NBEAL1: variants seen among roughly 807,000 people sequenced by gnomAD.
NBEAL1 encodes neurobeachin like 1.
NBEAL1 carries 273 observed loss-of-function variants against 351.3 expected under a neutral mutation model. The observed-to-expected ratio is 0.78, with a 90% CI of 0.70 to 0.86. The LOEUF is 0.86. Among genes scored for constraint, NBEAL1 ranks in the 40% least tolerant of loss-of-function variants. The pLI, the probability that NBEAL1 is intolerant of heterozygous loss-of-function variation, is 0.00. For synonymous variants in NBEAL1, 1,050 were observed against 1,086.4 expected, an observed-to-expected ratio of 0.97 and a Z score of 0.66; for missense variants, 2,961 against 3,201.3, an observed-to-expected ratio of 0.92 and a Z score of 1.81.
At chr2:203,125,810 T>A (rs930095455) in intron 20 of NBEAL1, 150 bp from the exon 21 acceptor site, 4 of 661,082 alleles carry the variant, frequency 6.1e-6, no homozygotes, top group African/African-American at 1.9e-5. Context: ...TAGTTGCTGC[T>A]TTTTCTGATT....
chr2:203,221,856 T>C lies in NBEAL1; in HGVS notation c.*4502T>C, dbSNP rs985789672. Among the ~76,000 whole-genome samples the C allele has an allele frequency of 1.3e-5, 2 of 152,216 alleles. No individual in the cohort carries two copies. Among genetic ancestry groups the C allele is most frequent in the African/African-American group, 4.8e-5 (2 of 41,460 alleles). On this transcript the variant is annotated 3_prime_UTR_variant, in exon 56 of 56. Coordinates refer to ENST00000683969, the MANE Select transcript of NBEAL1 (RefSeq NM_001378026.1). ...AATATAGTGTTATCAGTCATCATTT[T>C]AATATGATTTAAAATGTGGACCACA... is the stretch of plus-strand genomic sequence containing the variant.
Position 203,016,412 on chromosome 2 carries a change from C to A in NBEAL1, c.28C>A (p.Leu10Ile). Residue 10 changes from leucine (L) to isoleucine (I), a missense_variant, in exon 2 of 56, where the codon CTT becomes ATT. Transcript: ENST00000683969. ...GGCATCCAGAGAGAGGCTCTTTGAA[C>A]TTTGGATGCTTTATTGTACAAAGGT... The part of the protein sequence containing the change: MASRERLFE[L>I]WMLYCTKKDP... 6.7e-7 allele frequency: 1 copy of A among 1,494,510 alleles called. No homozygotes were observed. The highest frequency in any genetic ancestry group is 9.0e-7 in the Non-Finnish European group (1 of 1,107,346). The allele number at this position is 1,494,510 out of a possible 1,614,324, so 92.6% of individuals were successfully genotyped here. A position where few individuals can be genotyped will look rare whatever the true frequency, so the allele number is the denominator to read the frequency against.
At chr2:203,165,770 C>T (rs2064112991) in intron 36 of NBEAL1, among the ~76,000 whole-genome samples, 3 of 152,214 alleles carry the variant, frequency 2.0e-5, no homozygotes, top group Non-Finnish European at 4.4e-5. Flanking sequence ...AGGCCAGGCA[C>T]AGTGGCTCAT....
intron 27 of NBEAL1, among the ~76,000 whole-genome samples, chr2:203,135,304 C>T (rs2063174934): frequency 6.6e-6 from 1 of 152,172 alleles, no homozygotes; most frequent in African/African-American, 2.4e-5. Context: ...CTGTGCCTAG[C>T]ACATAGTAGG....
intron 14 of NBEAL1, among the ~76,000 whole-genome samples, chr2:203,108,506 A>T (rs1191960399): frequency 1.3e-5 from 2 of 151,366 alleles, no homozygotes; most frequent in Non-Finnish European, 2.9e-5. Context: ...TCACGCCATT[A>T]TCCTGCCTTA....
In NBEAL1 at chr2:203,104,424, A is replaced by G. The variant is rs187206351; in HGVS notation, c.1270-2996A>G. Reference sequence around the variant, plus strand: ...TTCTCCATTCCTTTACTTTAAGCCTATGGGTGTCACTGCATGTGAGATGAG... The same window carrying G: ...TTCTCCATTCCTTTACTTTAAGCCTGTGGGTGTCACTGCATGTGAGATGAG... On this transcript the variant is annotated intron_variant, in intron 12 of 55. Coordinates refer to ENST00000683969, the MANE Select transcript of NBEAL1 (RefSeq NM_001378026.1). Among the ~76,000 whole-genome samples, 204 of 152,224 alleles carry G rather than the reference A, an allele frequency of 1.3e-3. 1 individual carries two copies. The highest frequency in any genetic ancestry group is 4.8e-3 in the African/African-American group (198 of 41,540).
At chr2:203,050,581 A>C (rs961795402) in intron 4 of NBEAL1, among the ~76,000 whole-genome samples, 4 of 152,250 alleles carry the variant, frequency 2.6e-5, no homozygotes, top group African/African-American at 9.6e-5. Flanking sequence ...CTGTGAAAAT[A>C]AATCATTCAG....
intron 12 of NBEAL1, among the ~76,000 whole-genome samples, chr2:203,105,201 A>G (rs1240376388): frequency 6.6e-6 from 1 of 151,514 alleles, no homozygotes; most frequent in African/African-American, 2.4e-5. Flanking sequence ...AGTCGCTCAC[A>G]CCTGTGATCC....
At chr2:203,034,001 G>T (rs1368233793) in intron 2 of NBEAL1, among the ~76,000 whole-genome samples, 2 of 151,976 alleles carry the variant, frequency 1.3e-5, no homozygotes, top group Non-Finnish European at 2.9e-5. Flanking sequence ...TATTATTTCA[G>T]TATTTTTCAC....
chr2:203,024,165 C>A (rs2060815485), intron 2 of NBEAL1, among the ~76,000 whole-genome samples: 1 of 148,920 alleles, frequency 6.7e-6, no homozygotes. Context: ...CACTCTAGTC[C>A]AGCCTGGGTG....
intron 51 of NBEAL1, among the ~76,000 whole-genome samples, chr2:203,203,186 T>C (rs548617584): frequency 9.8e-4 from 148 of 150,938 alleles, no homozygotes; most frequent in African/African-American, 2.9e-3. Context: ...TTTCTTTTCT[T>C]TTTTTTTTGA....
At chr2:203,051,253 G>A (rs1162219901) in intron 4 of NBEAL1, among the ~76,000 whole-genome samples, 1 of 152,082 alleles carries the variant, frequency 6.6e-6, no homozygotes, top group African/African-American at 2.4e-5. Context: ...TATAAGGGTT[G>A]AAGTATGCAG....
intron 35 of NBEAL1, among the ~76,000 whole-genome samples, chr2:203,153,876 C>A (rs1397976351): frequency 6.6e-6 from 1 of 152,176 alleles, no homozygotes; most frequent in Non-Finnish European, 1.5e-5. Context: ...CCCCTCGACA[C>A]ATGCACACAG....
intron 18 of NBEAL1, among the ~76,000 whole-genome samples, chr2:203,117,906 C>G (rs1447053119): frequency 1.3e-5 from 2 of 150,612 alleles, no homozygotes; most frequent in East Asian, 3.9e-4. Flanking sequence ...CCAGGCTAGT[C>G]TTGAATTCCT....
intron 55 of NBEAL1, among the ~76,000 whole-genome samples, chr2:203,216,720 T>C (rs1001043581): frequency 6.6e-6 from 1 of 152,246 alleles, no homozygotes; most frequent in Non-Finnish European, 1.5e-5. Flanking sequence ...ATTGTTTAAA[T>C]GTACACACTG....
intron 46 of NBEAL1, among the ~76,000 whole-genome samples, chr2:203,191,853 T>C (rs1386821164): frequency 1.3e-5 from 2 of 152,232 alleles, no homozygotes; most frequent in South Asian, 2.1e-4. Flanking sequence ...CATGTTCTTA[T>C]GGGCCTTTAT....
rs186405878 is a variant in NBEAL1, at chr2:203,072,139, G to A, written c.598+3664G>A. Reference sequence around the variant, plus strand: ...GGGAATGGCAGCTCTCATAATCTCTGAATTGCTTTCAGAGTTTTTCTTATC... The same window carrying A: ...GGGAATGGCAGCTCTCATAATCTCTAAATTGCTTTCAGAGTTTTTCTTATC... On this transcript the variant is annotated intron_variant, in intron 7 of 55. Transcript: ENST00000683969. Among the ~76,000 whole-genome samples, 13 of 152,292 alleles carry A rather than the reference G, an allele frequency of 8.5e-5. No homozygotes were observed. The Middle Eastern group carries it at 0.017, about 199-fold the overall frequency.
chr2:203,040,692 A>G (rs1176587314), intron 2 of NBEAL1: 1 of 628,020 alleles, frequency 1.6e-6, no homozygotes, highest in Admixed American at 1.9e-5. Flanking sequence ...TTGCCTTCCC[A>G]GGGAAGTATT....
At chr2:203,052,719 G>GTTAGTTAT (rs1553601930) in intron 4 of NBEAL1, among the ~76,000 whole-genome samples, 1 of 145,408 alleles carries the variant, frequency 6.9e-6, no homozygotes, top group African/African-American at 2.5e-5. Flanking sequence ...ACCATGCCCA[G>GTTAGTTAT]TTATTTATTT....
Sources: allele counts gnomAD v4.1 joint callset (sites outside exome capture counted in the v4.1 genomes callset), GRCh38; gene constraint gnomAD v4.1.1; transcripts MANE v1.5; gene names NCBI Gene and HGNC (gene_info 2026-07-23, HGNC 2026-07-21).